MAP2K6: variants seen among roughly 807,000 people sequenced by gnomAD.
MAP2K6 encodes the protein dual specificity mitogen-activated protein kinase kinase 6.
Under a neutral mutation model 53.7 loss-of-function variants are expected in MAP2K6, and 16 were observed. The ratio of observed to expected loss-of-function variants is 0.30; its 90% CI spans 0.20 to 0.45. The LOEUF (loss-of-function observed/expected upper bound fraction) is 0.45, where lower values mean the gene tolerates loss of function less well. Among genes scored for constraint, MAP2K6 ranks in the 20% least tolerant of loss-of-function variants. The pLI, the probability that MAP2K6 is intolerant of heterozygous loss-of-function variation, is 1.00. For synonymous variants in MAP2K6, 132 were observed against 143.1 expected (o/e 0.92, Z 0.55); for missense variants, 204 against 411.9 (o/e 0.50, Z 4.37).
intron 1 of MAP2K6, among the ~76,000 whole-genome samples, chr17:69,474,341 T>C (rs1908070780): frequency 6.6e-6 from 1 of 152,194 alleles, no homozygotes; most frequent in Non-Finnish European, 1.5e-5. Flanking sequence ...TTCGTGGCTT[T>C]TGTCTTGGTT....
At chr17:69,501,621 A>G (rs1909178451) in intron 1 of MAP2K6, 1 of 152,312 alleles carries the variant, frequency 6.6e-6, no homozygotes, top group African/African-American at 2.4e-5. Context: ...CACTATTTTC[A>G]GAGAACACAG....
chr17:69,533,646 G>A (rs1424866065), intron 10 of MAP2K6, among the ~76,000 whole-genome samples: 2 of 151,964 alleles, frequency 1.3e-5, no homozygotes, highest in East Asian at 1.9e-4. Context: ...TTTACTTAGC[G>A]TGTTACATTG....
rs761726135 is a variant in MAP2K6, at chr17:69,519,313, C to A, written c.247C>A (p.Arg83=). 1.2e-6 allele frequency: 2 copies of A among 1,612,474 alleles called. No individual in the cohort carries two copies. The highest frequency in any genetic ancestry group is 2.7e-5 in the African/African-American group (2 of 74,812). The part of the protein sequence containing the change: ...VPSGQIMAVK[R]IRATVNSQEQ... ...AAATTTTCCATGCATTTCCATTCAGCGGATCCGAGCCACAGTAAATAGCCA... is the reference window on the plus strand; with the variant it reads ...AAATTTTCCATGCATTTCCATTCAGAGGATCCGAGCCACAGTAAATAGCCA... Residue 83 remains arginine, a splice_region_variant and synonymous_variant, in exon 5 of 12, where the codon CGG becomes AGG. Transcript: ENST00000590474.
intron 10 of MAP2K6, among the ~76,000 whole-genome samples, chr17:69,534,160 A>G (rs995018740): frequency 6.6e-6 from 1 of 152,110 alleles, no homozygotes; most frequent in Non-Finnish European, 1.5e-5. Flanking sequence ...GCCTCCTGAC[A>G]TTTTCCATAT....
In MAP2K6 at chr17:69,459,775, A is replaced by G. The variant is rs566620683; in HGVS notation, c.16+44775A>G. On this transcript the variant is annotated intron_variant, in intron 1 of 11. Coordinates refer to ENST00000590474, the MANE Select transcript of MAP2K6 (RefSeq NM_002758.4). ...ATACACAAGAAATACATAGATTGCA[A>G]GGTGTCTTTCTTAAAAAAAAAATTT... 2.0e-5 allele frequency among the ~76,000 whole-genome samples: 3 copies of G among 151,052 alleles called. No individual in the cohort carries two copies. In the East Asian group the frequency reaches 5.9e-4, roughly 29 times the overall value.
intron 2 of MAP2K6, among the ~76,000 whole-genome samples, chr17:69,515,846 A>G (rs1261420691): frequency 6.6e-6 from 1 of 152,212 alleles, no homozygotes; most frequent in Non-Finnish European, 1.5e-5. Context: ...GAGATTTGAA[A>G]TTCTTATGTT....
intron 2 of MAP2K6, among the ~76,000 whole-genome samples, chr17:69,506,853 C>T (rs1739121650): frequency 6.6e-6 from 1 of 152,198 alleles, no homozygotes; most frequent in Non-Finnish European, 1.5e-5. Context: ...TGGACTGTAG[C>T]TCAAGAGTCT....
intron 1 of MAP2K6, among the ~76,000 whole-genome samples, chr17:69,498,650 C>CCACACACACACACACACACACA (rs3222089): frequency 1.4e-4 from 21 of 145,532 alleles, no homozygotes; most frequent in Non-Finnish European, 2.4e-4. Context: ...CACCTGGAAG[C>CCACACACACACACACACACACA]CACACACACA....
chr17:69,544,859 C>T lies in MAP2K6; in HGVS notation c.*3106C>T, dbSNP rs1376379965. On this transcript the variant is annotated 3_prime_UTR_variant, in exon 12 of 12. Transcript: ENST00000590474. ...TAATGCTATTAAATTATTTTTGCCA[C>T]TCCTCTTTCAGAAAAGGCTTTAGAA... 2 of 152,174 alleles carry T rather than the reference C, an allele frequency of 1.3e-5. No individual in the cohort carries two copies. The highest frequency in any genetic ancestry group is 2.9e-5 in the Non-Finnish European group (2 of 68,036). 9.4% of individuals were successfully genotyped at this position (152,174 alleles called of 1,614,324 possible).
At chr17:69,438,824 G>A (rs1024005358) in intron 1 of MAP2K6, among the ~76,000 whole-genome samples, 2 of 152,102 alleles carry the variant, frequency 1.3e-5, no homozygotes, top group Non-Finnish European at 1.5e-5. Context: ...GGCTCAAGAG[G>A]TCTTTCCACC....
At chr17:69,516,061 TC>T in intron 2 of MAP2K6, among the ~76,000 whole-genome samples, 1 of 152,282 alleles carries the variant, frequency 6.6e-6, no homozygotes, top group Non-Finnish European at 1.5e-5. Context: ...AGACAGTTTT[TC>T]CATGAACTGG....
intron 1 of MAP2K6, among the ~76,000 whole-genome samples, chr17:69,448,787 C>T (rs1417518124): frequency 6.6e-6 from 1 of 152,220 alleles, no homozygotes; most frequent in African/African-American, 2.4e-5. Context: ...GATTTGTCTT[C>T]ATTGCCGGAG....
intron 1 of MAP2K6, chr17:69,435,549 A>G (rs1402693374): frequency 4.6e-5 from 7 of 152,118 alleles, no homozygotes; most frequent in Non-Finnish European, 1.0e-4. Context: ...AAAAAAAAAA[A>G]AGAAAAGAAA....
chr17:69,514,973 C>T (rs893564223), intron 2 of MAP2K6, among the ~76,000 whole-genome samples: 1 of 152,132 alleles, frequency 6.6e-6, no homozygotes, highest in Non-Finnish European at 1.5e-5. Context: ...TCTTTTCTCT[C>T]TCACTTTCAT....
intron 1 of MAP2K6, among the ~76,000 whole-genome samples, chr17:69,443,685 A>G (rs1233504804): frequency 1.3e-5 from 2 of 152,122 alleles, no homozygotes; most frequent in African/African-American, 4.8e-5. Context: ...ACTGGGGTTT[A>G]GGGTAAAGGG....
intron 1 of MAP2K6, among the ~76,000 whole-genome samples, chr17:69,439,864 A>G (rs1459757771): frequency 6.6e-6 from 1 of 152,214 alleles, no homozygotes; most frequent in African/African-American, 2.4e-5. Context: ...TTGAGCCATT[A>G]CATTCACACA....
chr17:69,453,690 C>G (rs1391544329), intron 1 of MAP2K6, among the ~76,000 whole-genome samples: 2 of 152,218 alleles, frequency 1.3e-5, no homozygotes, highest in Non-Finnish European at 2.9e-5. Context: ...CTAGTCCTCT[C>G]TTTTAGCCCT....
intron 1 of MAP2K6, among the ~76,000 whole-genome samples, chr17:69,415,428 A>G (rs911157352): frequency 1.3e-5 from 2 of 152,246 alleles, no homozygotes; most frequent in African/African-American, 4.8e-5. Context: ...TTAAACTACT[A>G]GGAAATTAAT....
chr17:69,486,968 G>C (rs1028286537), intron 1 of MAP2K6, among the ~76,000 whole-genome samples: 16 of 152,258 alleles, frequency 1.1e-4, no homozygotes, highest in South Asian at 2.1e-4. Context: ...AAAATATGTT[G>C]GGCAAAGGTC....
Sources: allele counts gnomAD v4.1 joint callset (sites outside exome capture counted in the v4.1 genomes callset), GRCh38; gene constraint gnomAD v4.1.1; transcripts MANE v1.5; gene names NCBI Gene and HGNC (gene_info 2026-07-23, HGNC 2026-07-21).